Variants in PRCP observed in about 807,000 individuals in gnomAD.
The protein encoded by PRCP is prolylcarboxypeptidase, also known as lysosomal Pro-X carboxypeptidase.
In PRCP, 46 loss-of-function variants were observed where a neutral mutation model predicts 54.2. That is an observed-to-expected ratio of 0.85 (90% CI 0.67 to 1.09). The LOEUF (loss-of-function observed/expected upper bound fraction) is 1.09, where lower values mean the gene tolerates loss of function less well. PRCP is among the 50% of genes least tolerant of loss of function. PRCP has a pLI of 0.00. For synonymous variants in PRCP, 240 were observed against 212.2 expected, an observed-to-expected ratio of 1.13 and a Z score of -1.14; for missense variants, 613 against 596.8, an observed-to-expected ratio of 1.03 and a Z score of -0.28.
rs757663474 is a variant in PRCP, at chr11:82,838,574, C to T, written c.1087G>A (p.Ala363Thr). ...SLGTLGWSYQ[A>T]CTEVVMPFCT... ...AAGGGCATGACTACTTCTGTGCAGG[C>T]CTAAGAAGCAAACCAAGAGAGAATC... The change falls in exon 8 of 9, where the codon GCC becomes ACC. Residue 363 changes from alanine (A) to threonine (T), a missense_variant and splice_region_variant. Ala to Thr is a moderately conservative substitution (Grantham distance 58). Transcript: ENST00000313010. 3.7e-6 allele frequency: 6 copies of T among 1,605,576 alleles called. No homozygotes were observed. In the East Asian group the frequency reaches 1.1e-4, roughly 30 times the overall value.
intron 1 of PRCP, among the ~76,000 whole-genome samples, chr11:82,890,889 T>C (rs1194999826): frequency 3.3e-5 from 5 of 152,240 alleles, no homozygotes; most frequent in African/African-American, 1.2e-4. Flanking sequence ...CTCCTCCAAC[T>C]GTTCCTTCTC....
intron 1 of PRCP, among the ~76,000 whole-genome samples, chr11:82,880,344 C>A (rs1859716851): frequency 6.6e-6 from 1 of 152,330 alleles, no homozygotes; most frequent in African/African-American, 2.4e-5. Flanking sequence ...CTGAGCCAGG[C>A]ACAGGATATA....
chr11:82,838,703 G>A (rs73506368), intron 7 of PRCP, 129 bp from the exon 8 acceptor site: 26 of 802,656 alleles, frequency 3.2e-5, no homozygotes, highest in South Asian at 1.2e-4. Context: ...CAGCTTCAAC[G>A]CCCTGTTCTT....
At chr11:82,836,385 A>T (rs573109613) in intron 8 of PRCP, 1 of 153,682 alleles carries the variant, frequency 6.5e-6, no homozygotes, top group Non-Finnish European at 1.5e-5. Flanking sequence ...CTTGAAAGAA[A>T]AGGAAATTCA....
intron 1 of PRCP, among the ~76,000 whole-genome samples, chr11:82,895,186 CT>C (rs1860091270): frequency 6.6e-6 from 1 of 152,176 alleles, no homozygotes; most frequent in Non-Finnish European, 1.5e-5. Flanking sequence ...TTACAACAAA[CT>C]TATGGTATAG....
chr11:82,900,909 C>T (rs1471431805), upstream of PRCP: 25 of 455,050 alleles, frequency 5.5e-5, no homozygotes, highest in Non-Finnish European at 4.4e-6. Context: ...CACTACAGGC[C>T]AGTGTATCAC....
chr11:82,858,026 T>A (rs1859130376), intron 2 of PRCP, among the ~76,000 whole-genome samples: 1 of 152,186 alleles, frequency 6.6e-6, no homozygotes, highest in Admixed American at 6.5e-5. Flanking sequence ...TCCATTACAA[T>A]GTCCAGACCT....
chr11:82,833,344 G>T (rs553605769), intron 8 of PRCP, among the ~76,000 whole-genome samples: 1 of 152,310 alleles, frequency 6.6e-6, no homozygotes, highest in East Asian at 1.9e-4. Flanking sequence ...CTTGGAGAAG[G>T]TATGAATCTT....
In PRCP at chr11:82,833,869, T is replaced by C. The variant is rs1858452844; in HGVS notation, c.1274+4518A>G. 2.0e-5 allele frequency among the ~76,000 whole-genome samples: 3 copies of C among 152,272 alleles called. 1 individual carries two copies. The highest frequency in any genetic ancestry group is 2.4e-5 in the African/African-American group (1 of 41,564). ...TATAGCTCTTCTTGAAAGTCCTTTC[T>C]TACACTGAGCTAAAAGTTTCTTACA... On this transcript the variant is annotated intron_variant, in intron 8 of 8. Coordinates refer to ENST00000313010, the MANE Select transcript of PRCP (RefSeq NM_005040.4).
chr11:82,860,517 G>A (rs777032308), intron 1 of PRCP, among the ~76,000 whole-genome samples: 7 of 151,962 alleles, frequency 4.6e-5, no homozygotes, highest in Non-Finnish European at 7.4e-5. Flanking sequence ...ATACGTATAT[G>A]CTGTAGAATG....
At chr11:82,874,029 GT>G (rs1262963947) in intron 1 of PRCP, among the ~76,000 whole-genome samples, 1 of 152,200 alleles carries the variant, frequency 6.6e-6, no homozygotes, top group Non-Finnish European at 1.5e-5. Flanking sequence ...ACTATTCATT[GT>G]TTTGCACATT....
rs182549398 is a variant in PRCP, at chr11:82,839,745, C to T, written c.922-320G>A. 3.0e-4 allele frequency: 85 copies of T among 285,482 alleles called. 2 individuals carry two copies. The Admixed American group carries it at 4.0e-3, about 13-fold the overall frequency. 17.7% of individuals were successfully genotyped at this position (285,482 alleles called of 1,614,324 possible). On this transcript the variant is annotated intron_variant, in intron 6 of 8. Coordinates refer to ENST00000313010, the MANE Select transcript of PRCP (RefSeq NM_005040.4). The stretch of plus-strand genomic sequence containing the variant: ...TCCCCACCACACCAGGCTCCTTCCC[C>T]TTTGCCCTTTCTCACCCTGAAACAC...
intron 8 of PRCP, chr11:82,826,086 C>T (rs1858226384): frequency 6.6e-6 from 1 of 152,162 alleles, no homozygotes; most frequent in African/African-American, 2.4e-5. Context: ...TTTCGTCACC[C>T]CAAATAGAAA....
chr11:82,872,223 A>C (rs922852178), intron 1 of PRCP, among the ~76,000 whole-genome samples: 3 of 152,210 alleles, frequency 2.0e-5, no homozygotes, highest in African/African-American at 7.2e-5. Context: ...GGGTCTTGAA[A>C]CGTATCCCCC....
chr11:82,834,861 G>T (rs975945193), intron 8 of PRCP, among the ~76,000 whole-genome samples: 5 of 152,172 alleles, frequency 3.3e-5, no homozygotes, highest in African/African-American at 9.7e-5. Flanking sequence ...GATCACCTGA[G>T]GTCAGGAGTT....
intron 6 of PRCP, among the ~76,000 whole-genome samples, chr11:82,842,618 G>A (rs1858702131): frequency 6.6e-6 from 1 of 152,018 alleles, no homozygotes; most frequent in Admixed American, 6.6e-5. Flanking sequence ...ATTCTTAATT[G>A]TTTTCTTGGG....
intron 6 of PRCP, chr11:82,840,983 C>G (rs973989013): frequency 9.1e-5 from 11 of 120,580 alleles, no homozygotes; most frequent in African/African-American, 3.9e-4. Flanking sequence ...AAGCTTGAAT[C>G]TCTATTGACT....
Position 82,849,206 on chromosome 11 carries a change from T to C in PRCP, c.764A>G (p.Gln255Arg), listed in dbSNP as rs757447060. Residue 255 changes from glutamine to arginine, a missense_variant, in exon 6 of 9, where the codon CAG (glutamine) becomes CGG (arginine). Coordinates refer to ENST00000313010, the MANE Select transcript of PRCP (RefSeq NM_005040.4). ...NRLSNTGSGL[Q>R]WLTGALHLCS... ...TAAGTGAAGGGCTCCAGTAAGCCAC[T>C]GCAAACCACTGCCTGGGAATAGAAT... 1.5e-5 allele frequency: 25 copies of C among 1,613,884 alleles called. No individual in the cohort carries two copies. The highest frequency in any genetic ancestry group is 1.9e-5 in the Non-Finnish European group (22 of 1,179,896).
At chr11:82,871,807 T>C (rs1859489471) in intron 1 of PRCP, among the ~76,000 whole-genome samples, 1 of 152,226 alleles carries the variant, frequency 6.6e-6, no homozygotes, top group Non-Finnish European at 1.5e-5. Context: ...CTCCTAACCC[T>C]GCTCACACTG....
Sources: gnomAD v4.1 joint callset for allele counts (sites outside exome capture counted in the v4.1 genomes callset) on GRCh38, gnomAD v4.1.1 for gene constraint, MANE v1.5 for transcripts, NCBI Gene and HGNC (gene_info 2026-07-23, HGNC 2026-07-21) for gene names.